MYO16: variants seen among roughly 807,000 people sequenced by gnomAD.
MYO16 encodes myosin XVI.
In MYO16, 94 loss-of-function variants were observed where a neutral mutation model predicts 205.3. That is an observed-to-expected ratio of 0.46 (90% CI 0.39 to 0.54). The LOEUF (loss-of-function observed/expected upper bound fraction) is 0.54, where lower values mean the gene tolerates loss of function less well. Among genes scored for constraint, MYO16 ranks in the 20% least tolerant of loss-of-function variants. MYO16 has a pLI of 0.00. For missense variants in MYO16, 2,315 were observed against 2,387.5 expected (o/e 0.97, Z 0.63); for synonymous variants, 988 against 954.0 (o/e 1.04, Z -0.66).
intron 22 of MYO16, among the ~76,000 whole-genome samples, chr13:109,013,117 C>CG (rs1350943681): frequency 2.9e-5 from 3 of 105,088 alleles, no homozygotes; most frequent in Non-Finnish European, 6.1e-5. Context: ...CTCCCCCACC[C>CG]CCCCCCACCC....
chr13:108,524,767 A>G, the MYO16 span, among the ~76,000 whole-genome samples: 6 of 152,172 alleles, frequency 3.9e-5, no homozygotes, highest in East Asian at 9.6e-4. Flanking sequence ...GTGTGATGAC[A>G]GGGGTAATGA....
intron 21 of MYO16, among the ~76,000 whole-genome samples, chr13:108,999,950 G>A (rs908512621): frequency 2.6e-5 from 4 of 152,014 alleles, no homozygotes; most frequent in African/African-American, 7.2e-5. Context: ...TAAATTTTAT[G>A]TGCCATTGTT....
At chr13:109,109,386 A>G (rs927531020) in intron 28 of MYO16, among the ~76,000 whole-genome samples, 1 of 152,212 alleles carries the variant, frequency 6.6e-6, no homozygotes, top group Non-Finnish European at 1.5e-5. Flanking sequence ...GTCAAAGTGC[A>G]GCATTCTATT....
intron 23 of MYO16, among the ~76,000 whole-genome samples, chr13:109,025,889 T>A (rs151265675): frequency 3.0e-4 from 45 of 152,280 alleles, no homozygotes; most frequent in African/African-American, 1.1e-3. Context: ...AAAATGTAGG[T>A]CAAAAGTAAT....
chr13:108,584,584 G>T, the MYO16 span, among the ~76,000 whole-genome samples: 3 of 152,188 alleles, frequency 2.0e-5, no homozygotes, highest in East Asian at 3.9e-4. Flanking sequence ...CCATCTTGCT[G>T]TGTGTTTGTG....
intron 4 of MYO16, among the ~76,000 whole-genome samples, chr13:108,769,446 T>G: frequency 6.6e-6 from 1 of 152,054 alleles, no homozygotes; most frequent in East Asian, 1.9e-4. Flanking sequence ...CAGAGACACT[T>G]GAAAACCAAG....
At chr13:109,075,774 C>T (rs1258218128) in intron 27 of MYO16, among the ~76,000 whole-genome samples, 2 of 152,006 alleles carry the variant, frequency 1.3e-5, no homozygotes, top group Admixed American at 6.6e-5. Flanking sequence ...ATTGCTTTTT[C>T]GAGTTCTTTA....
chr13:108,906,447 C>T (rs1880982424), intron 15 of MYO16, among the ~76,000 whole-genome samples: 2 of 151,978 alleles, frequency 1.3e-5, no homozygotes, highest in African/African-American at 4.8e-5. Context: ...GTGTTTTTTT[C>T]CCCAAATCCT....
chr13:108,800,094 C>T (rs1411074768), intron 6 of MYO16, among the ~76,000 whole-genome samples: 1 of 152,158 alleles, frequency 6.6e-6, no homozygotes, highest in African/African-American at 2.4e-5. Context: ...TTTATGCTCA[C>T]TCAGCTTTTG....
chr13:108,928,674 C>T (rs964203435), intron 16 of MYO16, among the ~76,000 whole-genome samples: 10 of 152,062 alleles, frequency 6.6e-5, no homozygotes, highest in African/African-American at 9.7e-5. Flanking sequence ...TGTCAAGGAC[C>T]ACACCCAATA....
the MYO16 span, among the ~76,000 whole-genome samples, chr13:108,504,154 C>G: frequency 6.6e-6 from 1 of 152,160 alleles, no homozygotes; most frequent in East Asian, 1.9e-4. Flanking sequence ...TGGAGCCTTG[C>G]TCTATCACCC....
At chr13:108,652,665 G>C (rs1441844641) in intron 1 of MYO16, among the ~76,000 whole-genome samples, 1 of 152,112 alleles carries the variant, frequency 6.6e-6, no homozygotes, top group Non-Finnish European at 1.5e-5. Flanking sequence ...TTATCTTTTA[G>C]TGATCAGTTT....
Position 108,712,702 on chromosome 13 carries a change from G to C in MYO16, c.334G>C (p.Val112Leu), listed in dbSNP as rs111464054. ...LKEGADPHTLVSSGGSLLHLC... is the reference protein window; with the variant it reads ...LKEGADPHTLLSSGGSLLHLC... ...GGAGGGGGCAGACCCCCACACCCTC[G>C]TCTCCTCGGGAGGGTCCCTGCTCCA... is the stretch of plus-strand genomic sequence containing the variant. The change falls in exon 3 of 35, where the codon GTC becomes CTC. Residue 112 changes from valine to leucine, a missense_variant. Physicochemically the swap from Val to Leu is conservative, Grantham distance 32. Coordinates refer to ENST00000457511, the MANE Select transcript of MYO16 (RefSeq NM_001198950.3). The C allele has an allele frequency of 6.2e-7, 1 of 1,613,964 alleles. No individual in the cohort carries two copies. The highest frequency in any genetic ancestry group is 1.7e-4 in the Middle Eastern group (1 of 6,060).
At chr13:108,858,851 C>T (rs1018293432) in intron 11 of MYO16, among the ~76,000 whole-genome samples, 5 of 152,148 alleles carry the variant, frequency 3.3e-5, no homozygotes, top group African/African-American at 7.2e-5. Flanking sequence ...GAATTTCTGA[C>T]GTCAGATGCT....
chr13:109,024,582 G>A (rs1886300634), intron 23 of MYO16, among the ~76,000 whole-genome samples: 1 of 152,058 alleles, frequency 6.6e-6, no homozygotes, highest in African/African-American at 2.4e-5. Flanking sequence ...TTATTTTGCT[G>A]AATTCTGATA....
chr13:108,579,895 T>C, the MYO16 span, among the ~76,000 whole-genome samples: 1 of 152,352 alleles, frequency 6.6e-6, no homozygotes, highest in South Asian at 2.1e-4. Flanking sequence ...CAAACTGCTA[T>C]TACAATGACT....
chr13:108,888,768 T>G (rs1359529808), intron 14 of MYO16, among the ~76,000 whole-genome samples: 1 of 152,148 alleles, frequency 6.6e-6, no homozygotes, highest in Non-Finnish European at 1.5e-5. Context: ...GAAAGTGCAC[T>G]TTGAGGCTGA....
chr13:108,726,300 C>T (rs899491918), intron 3 of MYO16, among the ~76,000 whole-genome samples: 1 of 152,114 alleles, frequency 6.6e-6, no homozygotes, highest in Admixed American at 6.5e-5. Flanking sequence ...GTGGTTCTCG[C>T]CTGTAATCCC....
intron 31 of MYO16, among the ~76,000 whole-genome samples, chr13:109,131,162 T>C (rs1402954103): frequency 6.6e-6 from 1 of 152,210 alleles, no homozygotes; most frequent in Non-Finnish European, 1.5e-5. Flanking sequence ...GTTGGTTTTG[T>C]ACCTGAGCCA....
Sources: gnomAD v4.1 joint callset for allele counts (sites outside exome capture counted in the v4.1 genomes callset) on GRCh38, gnomAD v4.1.1 for gene constraint, MANE v1.5 for transcripts, NCBI Gene and HGNC (gene_info 2026-07-23, HGNC 2026-07-21) for gene names.